NRG3: variants seen among roughly 807,000 people sequenced by gnomAD.
NRG3 encodes the protein neuregulin 3.
In NRG3, 31 loss-of-function variants were observed where a neutral mutation model predicts 66.9. The ratio of observed to expected loss-of-function variants is 0.46; its 90% confidence interval spans 0.35 to 0.63. The LOEUF (loss-of-function observed/expected upper bound fraction) is 0.63, where lower values mean the gene tolerates loss of function less well. NRG3 is among the 20% of genes least tolerant of loss of function. The probability of loss-of-function intolerance (pLI) is 0.00; values close to 1 mark genes in which losing one functional copy is unlikely to be tolerated. For missense variants in NRG3, 910 were observed against 878.9 expected (o/e 1.04, Z -0.45); for synonymous variants, 393 against 359.4 (o/e 1.09, Z -1.06).
At chr10:82,839,372 A>G (rs777721389) in intron 3 of NRG3, among the ~76,000 whole-genome samples, 11 of 152,274 alleles carry the variant, frequency 7.2e-5, no homozygotes, top group South Asian at 2.1e-4. Context: ...TTGAACTTCT[A>G]CTACAATTAA....
At chr10:82,231,795 G>T (rs1042283126) in intron 1 of NRG3, among the ~76,000 whole-genome samples, 3 of 152,110 alleles carry the variant, frequency 2.0e-5, no homozygotes, top group African/African-American at 7.2e-5. Flanking sequence ...ATTTCAAAAT[G>T]TTACATATCA....
intron 2 of NRG3, among the ~76,000 whole-genome samples, chr10:82,539,361 T>C (rs1411724569): frequency 1.3e-5 from 2 of 152,206 alleles, no homozygotes; most frequent in Non-Finnish European, 2.9e-5. Flanking sequence ...GAAAATCCCA[T>C]TGTAATCAAA....
intron 4 of NRG3, among the ~76,000 whole-genome samples, chr10:82,932,794 C>A (rs1216868430): frequency 6.6e-6 from 1 of 152,142 alleles, no homozygotes; most frequent in African/African-American, 2.4e-5. Context: ...GAAGGTCACT[C>A]GTCAGAGACC....
chr10:81,992,079 G>A (rs1289592158), intron 1 of NRG3, among the ~76,000 whole-genome samples: 1 of 152,028 alleles, frequency 6.6e-6, no homozygotes, highest in Non-Finnish European at 1.5e-5. Context: ...TCCATTGTAA[G>A]TTGGGTCCTT....
At chr10:82,082,849 T>C (rs1481790042) in intron 1 of NRG3, among the ~76,000 whole-genome samples, 1 of 152,218 alleles carries the variant, frequency 6.6e-6, no homozygotes, top group Non-Finnish European at 1.5e-5. Flanking sequence ...TCTCTTTTTA[T>C]TGCAAAGAAA....
At chr10:82,717,120 A>G (rs1464874510) in intron 2 of NRG3, among the ~76,000 whole-genome samples, 3 of 152,204 alleles carry the variant, frequency 2.0e-5, no homozygotes, top group African/African-American at 4.8e-5. Flanking sequence ...GAGTGGCAGT[A>G]ATCAAAATAA....
chr10:82,545,530 C>A (rs2043838889), intron 2 of NRG3, among the ~76,000 whole-genome samples: 1 of 151,776 alleles, frequency 6.6e-6, no homozygotes, highest in Admixed American at 6.6e-5. Flanking sequence ...AGGCACCCGC[C>A]ACCACGCCTG....
chr10:82,916,723 C>G (rs2132022310), intron 4 of NRG3, among the ~76,000 whole-genome samples: 1 of 151,940 alleles, frequency 6.6e-6, no homozygotes, highest in Non-Finnish European at 1.5e-5. Flanking sequence ...TCAAGCGATT[C>G]TCCTGCTTCA....
intron 1 of NRG3, chr10:82,232,617 A>G: frequency 1.6e-6 from 1 of 607,948 alleles, no homozygotes; most frequent in Non-Finnish European, 3.0e-6. Flanking sequence ...CTTTTGCTGC[A>G]TCTATAAATA....
At chr10:82,087,165 A>G (rs1481209158) in intron 1 of NRG3, among the ~76,000 whole-genome samples, 1 of 152,154 alleles carries the variant, frequency 6.6e-6, no homozygotes, top group Non-Finnish European at 1.5e-5. Flanking sequence ...GAAGGAGGAC[A>G]GGCTGGTGGT....
intron 2 of NRG3, among the ~76,000 whole-genome samples, chr10:82,567,880 C>T (rs534155262): frequency 6.6e-6 from 1 of 151,756 alleles, no homozygotes; most frequent in Non-Finnish European, 1.5e-5. Flanking sequence ...TTTTTTGTAG[C>T]ACCTCTTCTT....
At chr10:82,388,852 C>G (rs921072364) in intron 2 of NRG3, among the ~76,000 whole-genome samples, 3 of 152,168 alleles carry the variant, frequency 2.0e-5, no homozygotes, top group Admixed American at 6.5e-5. Flanking sequence ...ATACCATCGG[C>G]ATCAAAGTCA....
intron 1 of NRG3, among the ~76,000 whole-genome samples, chr10:82,117,376 G>GCC (rs2067793699): frequency 1.3e-5 from 2 of 152,058 alleles, no homozygotes; most frequent in Non-Finnish European, 2.9e-5. Context: ...TTAATTGTGG[G>GCC]ACAAAGAAGA....
Position 81,889,537 on chromosome 10 carries a change from C to G in NRG3, c.823+13374C>G, listed in dbSNP as rs998693613. 4.6e-5 allele frequency: 7 copies of G among 152,268 alleles called. No homozygotes were observed. In the East Asian group the frequency reaches 1.4e-3, roughly 29 times the overall value. 9.4% of individuals were successfully genotyped at this position (152,268 alleles called of 1,614,324 possible). ...CTTCAGATAAGAATCCAGTTCATCACTCTCGCCTGCTCAGGCTTACTTGGT... is the reference window on the plus strand; with the variant it reads ...CTTCAGATAAGAATCCAGTTCATCAGTCTCGCCTGCTCAGGCTTACTTGGT... On this transcript the variant is annotated intron_variant, in intron 1 of 8. Transcript: ENST00000372141.
chr10:82,628,573 TG>T (rs1432649497), intron 2 of NRG3, among the ~76,000 whole-genome samples: 2 of 152,036 alleles, frequency 1.3e-5, no homozygotes, highest in African/African-American at 4.8e-5. Context: ...CTGATGCCAC[TG>T]TACAGAGCTC....
intron 1 of NRG3, among the ~76,000 whole-genome samples, chr10:82,347,040 G>A (rs1288404574): frequency 6.6e-6 from 1 of 151,352 alleles, no homozygotes; most frequent in Non-Finnish European, 1.5e-5. Flanking sequence ...TTAATTTTTT[G>A]AAGGGTTTTT....
chr10:82,810,462 C>A (rs997706706), intron 3 of NRG3, among the ~76,000 whole-genome samples: 1 of 151,926 alleles, frequency 6.6e-6, no homozygotes, highest in African/African-American at 2.4e-5. Flanking sequence ...ACAAACAGAT[C>A]AGTAAAGAAG....
intron 2 of NRG3, among the ~76,000 whole-genome samples, chr10:82,697,491 G>A (rs554112183): frequency 2.6e-5 from 4 of 152,284 alleles, no homozygotes; most frequent in African/African-American, 9.6e-5. Context: ...TTAGAGAGGA[G>A]AGGATCACAC....
rs1235144147 is a variant in NRG3 at position 82,059,920 on chromosome 10, G to A, written c.823+183757G>A. ...TTGTATTTGAATATGTTGTAACTTA[G>A]TATAGAAATCATGGGTACTGGACAC... is the stretch of plus-strand genomic sequence containing the variant. On this transcript the variant is annotated intron_variant, in intron 1 of 8. Transcript: ENST00000372141. 1.5e-4 allele frequency among the ~76,000 whole-genome samples: 23 copies of A among 152,132 alleles called. 1 individual carries two copies. Among genetic ancestry groups the A allele is most frequent in the Admixed American group, 1.5e-3 (23 of 15,282 alleles).
Sources: gnomAD v4.1 joint callset for allele counts (sites outside exome capture counted in the v4.1 genomes callset) on GRCh38, gnomAD v4.1.1 for gene constraint, MANE v1.5 for transcripts, NCBI Gene and HGNC (gene_info 2026-07-23, HGNC 2026-07-21) for gene names.